Variants in DCUN1D5 observed in about 807,000 individuals in gnomAD.
The protein encoded by DCUN1D5 is DCN1-like protein 5.
DCUN1D5 carries 10 observed loss-of-function variants against 38.3 expected under a neutral mutation model. That is an observed-to-expected ratio of 0.26 (90% CI 0.16 to 0.44). DCUN1D5 has a LOEUF of 0.44. Ranked by LOEUF, DCUN1D5 falls within the 20% of genes least tolerant of loss-of-function variation. The pLI is 1.00. For synonymous variants in DCUN1D5, 93 were observed against 90.9 expected, an observed-to-expected ratio of 1.02 and a Z score of -0.13; for missense variants, 148 against 275.3, an observed-to-expected ratio of 0.54 and a Z score of 3.27.
At position 103,073,462 on chromosome 11, in the gene DCUN1D5, C is replaced by T. The variant is rs1862329794; in HGVS notation, c.342-6895G>A. Among the ~76,000 whole-genome samples, 1 of 152,106 alleles carries T rather than the reference C, an allele frequency of 6.6e-6. No individual in the cohort carries two copies. The highest frequency in any genetic ancestry group is 2.4e-5 in the African/African-American group (1 of 41,422). On this transcript the variant is annotated intron_variant, in intron 4 of 7. Transcript: ENST00000260247. The surrounding 1 kb of genome is among the most constrained non-coding windows in gnomAD (Gnocchi z 4.2). ...TAAAATTTATATGGAAAAGCAAATACACTAGAATACCTAAAACAATTTTGA... is the reference window on the plus strand; with the variant it reads ...TAAAATTTATATGGAAAAGCAAATATACTAGAATACCTAAAACAATTTTGA...
intron 2 of DCUN1D5, among the ~76,000 whole-genome samples, chr11:103,088,016 C>G (rs2134638049): frequency 6.6e-6 from 1 of 152,194 alleles, no homozygotes; most frequent in Non-Finnish European, 1.5e-5. Context: ...TAGTGGTTGT[C>G]TTGGGATGCC....
Position 103,083,085 on chromosome 11 carries a change from A to C in DCUN1D5, c.249+171T>G, listed in dbSNP as rs561268681. Among the ~76,000 whole-genome samples, 41 of 152,204 alleles carry C rather than the reference A, an allele frequency of 2.7e-4. No individual in the cohort carries two copies. The highest frequency in any genetic ancestry group is 9.4e-4 in the African/African-American group (39 of 41,582). The stretch of plus-strand genomic sequence containing the variant: ...TTACATATAACATTTGTATCAAGAA[A>C]GAATACATTTGCCCAACTTAAACTG... On this transcript the variant is annotated intron_variant, in intron 3 of 7. Coordinates refer to ENST00000260247, the MANE Select transcript of DCUN1D5 (RefSeq NM_032299.4). This position sits in a 1 kb window ranked among gnomAD's most constrained non-coding sequence, Gnocchi z 4.4.
At position 103,057,050 on chromosome 11, in the gene DCUN1D5, C is replaced by T. The variant is rs1397897666; in HGVS notation, c.*5309G>A. 2.0e-5 allele frequency among the ~76,000 whole-genome samples: 3 copies of T among 152,114 alleles called. No individual in the cohort carries two copies. Among genetic ancestry groups the T allele is most frequent in the Non-Finnish European group, 4.4e-5 (3 of 68,022 alleles). ...AAAAGAAAATCAAACTCAGGTTTCTCAGATAATACTTCTATAAACTCTCTC... is the reference window on the plus strand; with the variant it reads ...AAAAGAAAATCAAACTCAGGTTTCTTAGATAATACTTCTATAAACTCTCTC... On this transcript the variant is annotated 3_prime_UTR_variant, in exon 8 of 8. Transcript: ENST00000260247. The surrounding 1 kb of genome is among the most constrained non-coding windows in gnomAD (Gnocchi z 4.8).
At position 103,077,743 on chromosome 11, in the gene DCUN1D5, A is replaced by G. The variant is rs1246048907; in HGVS notation, c.341+5005T>C. ...AGTCCCAGTGACTGTGCTGTGACAC[A>G]TTGATGTGTAACACGAAGAATTGTG... On this transcript the variant is annotated intron_variant, in intron 4 of 7. Coordinates refer to ENST00000260247, the MANE Select transcript of DCUN1D5 (RefSeq NM_032299.4). The surrounding 1 kb of genome is among the most constrained non-coding windows in gnomAD (Gnocchi z 4.3). Among the ~76,000 whole-genome samples, 1 of 152,232 alleles carries G rather than the reference A, an allele frequency of 6.6e-6. No homozygotes were observed. Among genetic ancestry groups the G allele is most frequent in the East Asian group, 1.9e-4 (1 of 5,202 alleles).
chr11:103,062,220 TA>T lies in DCUN1D5; in HGVS notation c.*138del. ...CACATGTAACAAGAAAAACCTCCTT[TA>T]AAAAAAGGAAAAAAAAGTACTATGA... On this transcript the variant is annotated 3_prime_UTR_variant, in exon 8 of 8. Transcript: ENST00000260247. This position sits in a 1 kb window ranked among gnomAD's most constrained non-coding sequence, Gnocchi z 4.6. 7 of 798,918 alleles carry T rather than the reference TA, an allele frequency of 8.8e-6. No individual in the cohort carries two copies. Among genetic ancestry groups the T allele is most frequent in the Non-Finnish European group, 1.2e-5 (6 of 495,928 alleles). The allele number at this position is 798,918 out of a possible 1,614,324, so 49.5% of individuals were successfully genotyped here.
rs1249692847 is a variant in DCUN1D5 at position 103,073,876 on chromosome 11, C to T, written c.342-7309G>A. Among the ~76,000 whole-genome samples the T allele has an allele frequency of 6.6e-6, 1 of 152,054 alleles. No homozygotes were observed. The highest frequency in any genetic ancestry group is 1.5e-5 in the Non-Finnish European group (1 of 68,016). On this transcript the variant is annotated intron_variant, in intron 4 of 7. Transcript: ENST00000260247. The surrounding 1 kb of genome is among the most constrained non-coding windows in gnomAD (Gnocchi z 4.2). Reference sequence around the variant, plus strand: ...TCACTTGAGGTCAGGATTTTGAGACCAGCCTGGCCAACATGGTGAAATCCT... The same window carrying T: ...TCACTTGAGGTCAGGATTTTGAGACTAGCCTGGCCAACATGGTGAAATCCT...
rs1862751588 is a variant in DCUN1D5 at position 103,087,768 on chromosome 11, T to C, written c.178+1459A>G. 6.6e-6 allele frequency among the ~76,000 whole-genome samples: 1 copy of C among 152,240 alleles called. No homozygotes were observed. The highest frequency in any genetic ancestry group is 2.1e-4 in the South Asian group (1 of 4,832). On this transcript the variant is annotated intron_variant, in intron 2 of 7. Coordinates refer to ENST00000260247, the MANE Select transcript of DCUN1D5 (RefSeq NM_032299.4). The surrounding 1 kb of genome is among the most constrained non-coding windows in gnomAD (Gnocchi z 4.1). ...ATAATGCAATTATTATGTTGGCTAT[T>C]AAAAATGCTAATATAGTAAACAAAT...
rs1861985114 is a variant in DCUN1D5 at position 103,060,438 on chromosome 11, G to T, written c.*1921C>A. Among the ~76,000 whole-genome samples, 1 of 152,032 alleles carries T rather than the reference G, an allele frequency of 6.6e-6. No individual in the cohort carries two copies. The highest frequency in any genetic ancestry group is 1.9e-4 in the East Asian group (1 of 5,190). On this transcript the variant is annotated 3_prime_UTR_variant, in exon 8 of 8. Coordinates refer to ENST00000260247, the MANE Select transcript of DCUN1D5 (RefSeq NM_032299.4). The stretch of plus-strand genomic sequence containing the variant: ...AAACCAAACATGGATTGAAAATACA[G>T]TATTCCCGGGATGCGACACCTACAT...
rs999295262 is a variant in DCUN1D5 at position 103,083,470 on chromosome 11, T to C, written c.179-144A>G. 1.9e-5 allele frequency: 10 copies of C among 526,874 alleles called. No homozygotes were observed. The highest frequency in any genetic ancestry group is 3.3e-5 in the Admixed American group (1 of 29,948). The allele number at this position is 526,874 out of a possible 1,614,324, so 32.6% of individuals were successfully genotyped here. A position where few individuals can be genotyped will look rare whatever the true frequency, so the allele number is the denominator to read the frequency against. On this transcript the variant is annotated intron_variant, in intron 2 of 7. Transcript: ENST00000260247. This position sits in a 1 kb window ranked among gnomAD's most constrained non-coding sequence, Gnocchi z 4.4. ...TTGGCATAGCTTTGATAAGTATAAA[T>C]ATTTGCTACAGGATTTAAAATTTAA... is the stretch of plus-strand genomic sequence containing the variant.
Position 103,077,610 on chromosome 11 carries a change from G to A in DCUN1D5, c.341+5138C>T, listed in dbSNP as rs530072249. 3.3e-5 allele frequency among the ~76,000 whole-genome samples: 5 copies of A among 152,190 alleles called. No individual in the cohort carries two copies. The highest frequency in any genetic ancestry group is 7.3e-5 in the Non-Finnish European group (5 of 68,038). Reference sequence around the variant, plus strand: ...AATTTCCTGGTATTGCTAAGCAACTGATTACAAAGGGAGGCTTTTGAACTT... The same window carrying A: ...AATTTCCTGGTATTGCTAAGCAACTAATTACAAAGGGAGGCTTTTGAACTT... On this transcript the variant is annotated intron_variant, in intron 4 of 7. Transcript: ENST00000260247. This position sits in a 1 kb window ranked among gnomAD's most constrained non-coding sequence, Gnocchi z 4.3.
rs1591201028 is a variant in DCUN1D5, at chr11:103,060,663, C to G, written c.*1696G>C. Among the ~76,000 whole-genome samples, 1 of 152,048 alleles carries G rather than the reference C, an allele frequency of 6.6e-6. No individual in the cohort carries two copies. The highest frequency in any genetic ancestry group is 2.4e-5 in the African/African-American group (1 of 41,394). ...AAGTGTTCCCTATTTTACTCAAATA[C>G]TGAAGATGAAAAAGATATTACCATT... On this transcript the variant is annotated 3_prime_UTR_variant, in exon 8 of 8. Transcript: ENST00000260247.
chr11:103,078,767 A>ATTTCCCTCTTCTGAAACAT lies in DCUN1D5; in HGVS notation c.341+3962_341+3980dup, dbSNP rs1328917444. Among the ~76,000 whole-genome samples the ATTTCCCTCTTCTGAAACAT allele has an allele frequency of 6.6e-6, 1 of 152,120 alleles. No homozygotes were observed. Among genetic ancestry groups the ATTTCCCTCTTCTGAAACAT allele is most frequent in the Non-Finnish European group, 1.5e-5 (1 of 68,012 alleles). ...TTCCTTCCTCAAGGTCCTGCTCACA[A>ATTTCCCTCTTCTGAAACAT]TTTCCCTCTTCTGAAACATTTTCCT... On this transcript the variant is annotated intron_variant, in intron 4 of 7. Coordinates refer to ENST00000260247, the MANE Select transcript of DCUN1D5 (RefSeq NM_032299.4). This position sits in a 1 kb window ranked among gnomAD's most constrained non-coding sequence, Gnocchi z 4.6.
chr11:103,087,406 G>A lies in DCUN1D5; in HGVS notation c.178+1821C>T, dbSNP rs1052139004. ...AGGATGGTCTCGATCTCCTGACCTC[G>A]TGATCTGCCTACCTTGGCCTCCCAA... is the stretch of plus-strand genomic sequence containing the variant. On this transcript the variant is annotated intron_variant, in intron 2 of 7. Coordinates refer to ENST00000260247, the MANE Select transcript of DCUN1D5 (RefSeq NM_032299.4). The surrounding 1 kb of genome is among the most constrained non-coding windows in gnomAD (Gnocchi z 4.1). 1.3e-5 allele frequency among the ~76,000 whole-genome samples: 2 copies of A among 152,046 alleles called. No homozygotes were observed. Among genetic ancestry groups the A allele is most frequent in the African/African-American group, 4.8e-5 (2 of 41,404 alleles).
At chr11:103,068,302 A>C (rs1000905093) in intron 4 of DCUN1D5, among the ~76,000 whole-genome samples, 1 of 152,180 alleles carries the variant, frequency 6.6e-6, no homozygotes, top group Non-Finnish European at 1.5e-5. Context: ...TAGAACTATC[A>C]TTCGATCCAG....
chr11:103,066,477 A>C lies in DCUN1D5; in HGVS notation c.432T>G (p.Tyr144Ter). Residue 144 changes from tyrosine to a stop codon, truncating the protein, a stop_gained, in exon 5 of 8, where the codon TAT (tyrosine) becomes TAG (stop). Transcript: ENST00000260247. LOFTEE classifies it high-confidence loss of function. The surrounding 1 kb of genome is among the most constrained non-coding windows in gnomAD (Gnocchi z 4.7). Reference protein sequence around the residue: ...DISSFKNIYRYAFDFARDKDQ... With the variant: ...DISSFKNIYR ...CACCTACCCTTGCAAAATCAAAGGC[A>C]TATCTGTAGATATTCTTAAATGACG... 6.2e-7 allele frequency: 1 copy of C among 1,607,878 alleles called. No individual in the cohort carries two copies. The highest frequency in any genetic ancestry group is 8.5e-7 in the Non-Finnish European group (1 of 1,176,342).
chr11:103,075,694 G>T (rs963384067), intron 4 of DCUN1D5, among the ~76,000 whole-genome samples: 20 of 152,174 alleles, frequency 1.3e-4, no homozygotes, highest in African/African-American at 4.8e-4. Context: ...GTTTTTATAT[G>T]TTATCCAGCA....
Position 103,062,536 on chromosome 11 carries a change from C to CTT in DCUN1D5, c.659-124_659-123dup, listed in dbSNP as rs1490620448. On this transcript the variant is annotated intron_variant, in intron 7 of 7. Transcript: ENST00000260247. This position sits in a 1 kb window ranked among gnomAD's most constrained non-coding sequence, Gnocchi z 4.6. ...ACCCTTCCTTTCTTTGGGTGTTCTG[C>CTT]TTCTAGACACCTTATTCCATTTAAT... 9.0e-6 allele frequency: 7 copies of CTT among 777,768 alleles called. No homozygotes were observed. The highest frequency in any genetic ancestry group is 3.5e-5 in the South Asian group (2 of 57,520). 48.2% of individuals were successfully genotyped at this position (777,768 alleles called of 1,614,324 possible). A position where few individuals can be genotyped will look rare whatever the true frequency, so the allele number is the denominator to read the frequency against.
rs183107442 is a variant in DCUN1D5, at chr11:103,078,225, T to C, written c.341+4523A>G. 6.6e-5 allele frequency among the ~76,000 whole-genome samples: 10 copies of C among 152,342 alleles called. No individual in the cohort carries two copies. The highest frequency in any genetic ancestry group is 3.9e-4 in the Admixed American group (6 of 15,304). On this transcript the variant is annotated intron_variant, in intron 4 of 7. Coordinates refer to ENST00000260247, the MANE Select transcript of DCUN1D5 (RefSeq NM_032299.4). The surrounding 1 kb of genome is among the most constrained non-coding windows in gnomAD (Gnocchi z 4.6). ...TCAAGTACGGTCCTCTTCAAAGGTC[T>C]ATATTCAGTTTTCTCCACTGGTATA... is the stretch of plus-strand genomic sequence containing the variant.
At chr11:103,068,512 AAAAG>A (rs764877689) in intron 4 of DCUN1D5, among the ~76,000 whole-genome samples, 3 of 152,202 alleles carry the variant, frequency 2.0e-5, no homozygotes, top group Non-Finnish European at 4.4e-5. Flanking sequence ...CAGCCATAAA[AAAAG>A]AACACGATCA....
Sources: gnomAD v4.1 joint callset for allele counts (sites outside exome capture counted in the v4.1 genomes callset) on GRCh38, gnomAD v4.1.1 for gene constraint, Gnocchi (gnomAD v3.1) non-coding constraint, MANE v1.5 for transcripts, NCBI Gene and HGNC (gene_info 2026-07-23, HGNC 2026-07-21) for gene names.